The following SDHAF4 variants were observed in gnomAD, a reference collection of about 807,000 sequenced individuals.
SDHAF4 encodes succinate dehydrogenase assembly factor 4, mitochondrial.
A neutral mutation model predicts 14.3 loss-of-function variants in SDHAF4; 14 were observed. That is an observed-to-expected ratio of 0.98 (90% confidence interval 0.65 to 1.53). The LOEUF is 1.53. Ranked by LOEUF, SDHAF4 falls within the 40% of genes most tolerant of loss-of-function variation. SDHAF4 has a pLI of 0.00. For synonymous variants in SDHAF4, 63 were observed against 47.3 expected (o/e 1.33, Z -1.36); for missense variants, 141 against 129.3 (o/e 1.09, Z -0.44).
intron 1 of SDHAF4, among the ~76,000 whole-genome samples, chr6:70,573,584 G>A (rs527312661): frequency 6.7e-6 from 1 of 149,782 alleles, no homozygotes; most frequent in East Asian, 2.0e-4. Flanking sequence ...CCTTTTTATT[G>A]AGTTTTAGGT....
intron 2 of SDHAF4, among the ~76,000 whole-genome samples, chr6:70,581,168 G>A (rs1392278019): frequency 6.6e-6 from 1 of 152,014 alleles, no homozygotes; most frequent in Non-Finnish European, 1.5e-5. Flanking sequence ...GACCTCAAGT[G>A]ACCAACCCCC....
chr6:70,597,662 A>G, the SDHAF4 span, among the ~76,000 whole-genome samples: 1 of 152,186 alleles, frequency 6.6e-6, no homozygotes. Flanking sequence ...AACTTTTGGT[A>G]CTAGATGACT....
At chr6:70,571,962 T>C (rs1388058323) in intron 1 of SDHAF4, among the ~76,000 whole-genome samples, 2 of 151,970 alleles carry the variant, frequency 1.3e-5, no homozygotes, top group East Asian at 1.9e-4. Flanking sequence ...CCATATAATA[T>C]GTACTCTCTT....
intron 1 of SDHAF4, among the ~76,000 whole-genome samples, chr6:70,574,437 C>A (rs576242399): frequency 1.1e-4 from 16 of 152,204 alleles, no homozygotes; most frequent in African/African-American, 3.9e-4. Flanking sequence ...AGAGGGGCTT[C>A]TTTTTTTCAC....
the SDHAF4 span, among the ~76,000 whole-genome samples, chr6:70,594,624 A>AT: frequency 7.0e-4 from 107 of 151,910 alleles, no homozygotes; most frequent in Non-Finnish European, 1.3e-3. Flanking sequence ...AATAAATACC[A>AT]TTTTTCAGCC....
At chr6:70,577,204 G>T (rs1301572278) in intron 1 of SDHAF4, among the ~76,000 whole-genome samples, 2 of 151,974 alleles carry the variant, frequency 1.3e-5, no homozygotes, top group Non-Finnish European at 2.9e-5. Context: ...CTATTTTAAG[G>T]TCATCTGATT....
chr6:70,593,206 G>A (rs1268571128), downstream of SDHAF4, among the ~76,000 whole-genome samples: 2 of 152,232 alleles, frequency 1.3e-5, no homozygotes, highest in African/African-American at 4.8e-5. Flanking sequence ...CACTCCAGAG[G>A]GCACAAGCAG....
downstream of SDHAF4, among the ~76,000 whole-genome samples, chr6:70,590,090 T>C (rs1156343835): frequency 2.6e-5 from 4 of 152,060 alleles, no homozygotes; most frequent in African/African-American, 9.7e-5. Flanking sequence ...ATACAAAAAC[T>C]AGCTGGGCGT....
intron 1 of SDHAF4, among the ~76,000 whole-genome samples, chr6:70,569,216 G>A (rs184431235): frequency 0.021 from 3,234 of 151,560 alleles, 110 homozygotes; most frequent in African/African-American, 0.074. Flanking sequence ...CGCCCGTCTC[G>A]GCCTCCCAAA....
chr6:70,592,757 G>A (rs1765269425), downstream of SDHAF4, among the ~76,000 whole-genome samples: 1 of 152,220 alleles, frequency 6.6e-6, no homozygotes. Context: ...GGGAAGCAAA[G>A]CAGAAAGATT....
chr6:70,577,742 T>C (rs1802275098), intron 1 of SDHAF4, among the ~76,000 whole-genome samples: 1 of 152,206 alleles, frequency 6.6e-6, no homozygotes. Context: ...ACCCAGTTTG[T>C]ATTGTTGCCT....
chr6:70,591,238 GCAGTGTGTAGTATAGTACATA>G (rs1217263201), downstream of SDHAF4, among the ~76,000 whole-genome samples: 1 of 151,620 alleles, frequency 6.6e-6, no homozygotes, highest in Non-Finnish European at 1.5e-5. Context: ...GCCACTTAGA[GCAGTGTGTAGTATAGTACATA>G]CTTCTCAGTA....
chr6:70,595,623 T>C, the SDHAF4 span, among the ~76,000 whole-genome samples: 2 of 152,140 alleles, frequency 1.3e-5, no homozygotes, highest in African/African-American at 4.8e-5. Flanking sequence ...GGCTCATGCC[T>C]GTAATCCCAG....
rs1335439024 is a variant in SDHAF4, at chr6:70,579,427, G to C, written c.78G>C (p.Leu26=). 8.7e-6 allele frequency: 14 copies of C among 1,601,640 alleles called. No homozygotes were observed. Among genetic ancestry groups the C allele is most frequent in the African/African-American group, 1.3e-5 (1 of 74,382 alleles). The change falls in exon 2 of 3, where the codon CTG becomes CTC. Residue 26 remains leucine, a synonymous_variant. Transcript: ENST00000370474. ...TAWRAARSPL[L]CHSLRKTSSS... is the part of the protein sequence containing the mutation. The stretch of plus-strand genomic sequence containing the variant: ...CCACTCTTCTAGGATCACCCCTTCT[G>C]TGTCATTCTCTGAGGAAAACAAGTT...
intron 1 of SDHAF4, among the ~76,000 whole-genome samples, chr6:70,575,791 A>G (rs1201384656): frequency 2.0e-5 from 3 of 151,902 alleles, no homozygotes; most frequent in Non-Finnish European, 2.9e-5. Flanking sequence ...CTTCTTGTCT[A>G]TTATGTCCAT....
At chr6:70,581,321 A>AC (rs397969287) in intron 2 of SDHAF4, among the ~76,000 whole-genome samples, 1 of 151,862 alleles carries the variant, frequency 6.6e-6, no homozygotes, top group Non-Finnish European at 1.5e-5. Flanking sequence ...TAAAAAAAAA[A>AC]GAAAGCAAAA....
At chr6:70,574,662 G>T (rs1020433156) in intron 1 of SDHAF4, among the ~76,000 whole-genome samples, 2 of 151,950 alleles carry the variant, frequency 1.3e-5, no homozygotes, top group Admixed American at 6.6e-5. Context: ...TCAGCTGGGT[G>T]CGGTGGCTCA....
Position 70,566,971 on chromosome 6 carries a change from A to G in SDHAF4, c.31A>G (p.Ser11Gly). 1 of 1,593,138 alleles carries G rather than the reference A, an allele frequency of 6.3e-7. No individual in the cohort carries two copies. Among genetic ancestry groups the G allele is most frequent in the South Asian group, 1.1e-5 (1 of 87,448 alleles). The part of the protein sequence containing the change: MTPSRLPWLL[S>G]WVSATAWRAA... ...CCCATCGAGGCTTCCCTGGTTGCTT[A>G]GCTGGGTCTCGGCCACGGCGTGGAG... Residue 11 changes from serine to glycine, a missense_variant, in exon 1 of 3, where the codon AGC (serine) becomes GGC (glycine). Transcript: ENST00000370474.
chr6:70,580,494 T>C (rs897109306), intron 2 of SDHAF4, among the ~76,000 whole-genome samples: 6 of 152,178 alleles, frequency 3.9e-5, no homozygotes, highest in African/African-American at 1.4e-4. Flanking sequence ...TCTAAAGGAA[T>C]TGAAAGCAGG....
Sources: gnomAD v4.1 joint callset for allele counts (sites outside exome capture counted in the v4.1 genomes callset) on GRCh38, gnomAD v4.1.1 for gene constraint, MANE v1.5 for transcripts, NCBI Gene and HGNC (gene_info 2026-07-23, HGNC 2026-07-21) for gene names.